The following UTP20 variants were observed in gnomAD, a reference collection of about 807,000 sequenced individuals.
The protein encoded by UTP20 is UTP20 small subunit processome component.
UTP20 carries 164 observed loss-of-function variants against 329.5 expected under a neutral mutation model. That is an observed-to-expected ratio of 0.50 (90% CI 0.44 to 0.57). The LOEUF is 0.57. Ranked by LOEUF, UTP20 falls within the 20% of genes least tolerant of loss-of-function variation. The pLI, the probability that UTP20 is intolerant of heterozygous loss-of-function variation, is 0.00. For synonymous variants in UTP20, 1,151 were observed against 1,159.3 expected (o/e 0.99, Z 0.14); for missense variants, 3,055 against 3,284.2 (o/e 0.93, Z 1.71).
At chr12:101,329,591 G>T in intron 27 of UTP20, 142 bp downstream of exon 27, 1 of 751,900 alleles carries the variant, frequency 1.3e-6, no homozygotes. Flanking sequence ...AATTGTAAAT[G>T]ATTTAAGTGA....
At chr12:101,295,722 A>C (rs1482203927) in intron 12 of UTP20, 64 bp downstream of exon 12, 2 of 1,449,490 alleles carry the variant, frequency 1.4e-6, no homozygotes, top group East Asian at 4.7e-5. Context: ...TAATGTATCA[A>C]GAATACTGTA....
chr12:101,291,970 G>A lies in UTP20; in HGVS notation c.1039G>A (p.Val347Met). 1 of 1,610,640 alleles carries A rather than the reference G, an allele frequency of 6.2e-7. No homozygotes were observed. Among genetic ancestry groups the A allele is most frequent in the Non-Finnish European group, 8.5e-7 (1 of 1,178,890 alleles). The change falls in exon 10 of 62, where the codon GTG becomes ATG. Residue 347 changes from valine to methionine, a missense_variant and splice_region_variant. Val to Met is a conservative substitution (Grantham distance 21, BLOSUM62 1). This residue lies in a region of UTP20 where 2,445 missense variants were observed against 2,575.5 expected (regional missense o/e 0.95). Transcript: ENST00000261637. ...KIPTPADVCK[V>M]LSQTLQVASL... The stretch of plus-strand genomic sequence containing the variant: ...TATGCATTGTTTTTTCTTTTTGCAG[G>A]TGTTATCTCAAACACTGCAAGTAGC...
chr12:101,334,543 G>A, intron 29 of UTP20, 39 bp downstream of exon 29: 2 of 1,552,854 alleles, frequency 1.3e-6, no homozygotes, highest in Non-Finnish European at 1.8e-6. Context: ...AAAGGGCAGT[G>A]TTTTAGATGA....
chr12:101,371,099 G>A lies in UTP20; in HGVS notation c.6729G>A (p.Glu2243=). 6.2e-7 allele frequency: 1 copy of A among 1,614,092 alleles called. No homozygotes were observed. The highest frequency in any genetic ancestry group is 8.5e-7 in the Non-Finnish European group (1 of 1,179,996). Residue 2243 remains glutamate (E), a synonymous_variant, in exon 51 of 62, where the codon GAG becomes GAA. Coordinates refer to ENST00000261637, the MANE Select transcript of UTP20 (RefSeq NM_014503.3). ...AGCTGTTGGTCCCAGAAATCGATGA[G>A]GTCATGCGGAAAGTATCCAAGTTGG... is the stretch of plus-strand genomic sequence containing the variant. ...SRKLLVPEID[E]VMRKVSKLAV... is the part of the protein sequence containing the mutation.
At chr12:101,343,845 G>A (rs1222908880) in intron 35 of UTP20, among the ~76,000 whole-genome samples, 3 of 152,084 alleles carry the variant, frequency 2.0e-5, no homozygotes, top group Non-Finnish European at 4.4e-5. Flanking sequence ...TGAATTTTAT[G>A]GTGTGTCAAT....
intron 48 of UTP20, among the ~76,000 whole-genome samples, chr12:101,369,489 A>G (rs765248545): frequency 1.9e-4 from 29 of 152,292 alleles, no homozygotes; most frequent in Middle Eastern, 3.4e-3. Context: ...TTTCCTCATG[A>G]TCTACCATCA....
chr12:101,295,897 G>A (rs1413357153), intron 12 of UTP20, among the ~76,000 whole-genome samples: 2 of 152,186 alleles, frequency 1.3e-5, no homozygotes, highest in African/African-American at 4.8e-5. Flanking sequence ...ACAGAAACTT[G>A]TTAACTTTGT....
At chr12:101,281,270 T>A in intron 2 of UTP20, 74 bp downstream of exon 2, 2 of 1,342,708 alleles carry the variant, frequency 1.5e-6, no homozygotes, top group South Asian at 1.2e-5. Context: ...AGAAGTGAAT[T>A]GTTTTTCAAG....
intron 17 of UTP20, among the ~76,000 whole-genome samples, chr12:101,307,457 G>A (rs979449834): frequency 2.6e-5 from 4 of 152,018 alleles, no homozygotes; most frequent in African/African-American, 9.7e-5. Flanking sequence ...GCTCACTGCA[G>A]TCTCCACCTC....
chr12:101,303,934 A>G (rs1872590499), intron 15 of UTP20, among the ~76,000 whole-genome samples: 2 of 152,208 alleles, frequency 1.3e-5, no homozygotes. Context: ...ACCATATTAC[A>G]TAGTCTCCCT....
At position 101,355,098 on chromosome 12, in the gene UTP20, C is replaced by T; in HGVS notation, c.5374C>T (p.His1792Tyr). 3.7e-6 allele frequency: 6 copies of T among 1,613,668 alleles called. No homozygotes were observed. The highest frequency in any genetic ancestry group is 5.1e-6 in the Non-Finnish European group (6 of 1,179,842). ...TITGDILPRL[H>Y]KCLASTTKRE... is the part of the protein sequence containing the mutation. ...AACCGGGGATATTCTCCCCAGGCTA[C>T]ATAAATGCCTTGCATCTACGGTAAT... The change falls in exon 41 of 62, where the codon CAT becomes TAT. Residue 1792 changes from histidine (H) to tyrosine (Y), a missense_variant. Coordinates refer to ENST00000261637, the MANE Select transcript of UTP20 (RefSeq NM_014503.3).
rs371384352 is a variant in UTP20 at position 101,355,137 on chromosome 12, G to A, written c.5394+19G>A. On this transcript the variant is annotated intron_variant, in intron 41 of 61. Coordinates refer to ENST00000261637, the MANE Select transcript of UTP20 (RefSeq NM_014503.3). ...ATCTACGGTAATAAATTTATTCGGG[G>A]TCCAGCAGGTCTGTGTGAATTCTGG... 1.3e-5 allele frequency: 21 copies of A among 1,601,804 alleles called. No homozygotes were observed. The South Asian group carries it at 2.1e-4, about 16-fold the overall frequency.
chr12:101,375,934 GA>G (rs944570176), intron 56 of UTP20, among the ~76,000 whole-genome samples, 178 bp downstream of exon 56: 44 of 148,434 alleles, frequency 3.0e-4, no homozygotes, highest in African/African-American at 7.9e-4. Flanking sequence ...GTTCCCTTCT[GA>G]AAAAAAAACG....
intron 1 of UTP20, 48 bp downstream of exon 1, chr12:101,280,375 G>T (rs1245147757): frequency 4.5e-6 from 7 of 1,550,202 alleles, no homozygotes; most frequent in Non-Finnish European, 6.1e-6. Flanking sequence ...CGCTGCCTCA[G>T]TCGTGAGACA....
chr12:101,335,441 A>G (rs183141984), intron 29 of UTP20, among the ~76,000 whole-genome samples: 309 of 152,364 alleles, frequency 2.0e-3, no homozygotes, highest in African/African-American at 6.8e-3. Flanking sequence ...ATATCATCAC[A>G]TAAATATTAT....
At chr12:101,349,725 G>A (rs190184833) in intron 38 of UTP20, among the ~76,000 whole-genome samples, 212 of 152,252 alleles carry the variant, frequency 1.4e-3, no homozygotes, top group African/African-American at 5.0e-3. Flanking sequence ...ACAGGGTTGA[G>A]CCACTGTTCC....
At chr12:101,356,148 T>C (rs1225198733) in intron 41 of UTP20, among the ~76,000 whole-genome samples, 2 of 152,250 alleles carry the variant, frequency 1.3e-5, no homozygotes, top group Non-Finnish European at 2.9e-5. Flanking sequence ...CTTTTTGAGA[T>C]GGACTTTCCC....
intron 47 of UTP20, among the ~76,000 whole-genome samples, chr12:101,367,368 T>C (rs1219267661): frequency 6.6e-6 from 1 of 152,170 alleles, no homozygotes; most frequent in African/African-American, 2.4e-5. Flanking sequence ...AAACCCTTCA[T>C]TGACTCGCAT....
intron 47 of UTP20, 148 bp from the exon 48 acceptor site, chr12:101,367,712 G>A: frequency 1.7e-6 from 1 of 600,572 alleles, no homozygotes; most frequent in Non-Finnish European, 3.0e-6. Context: ...ACCCTCCCAG[G>A]CAGTTTGTCA....
Sources: allele counts gnomAD v4.1 joint callset (sites outside exome capture counted in the v4.1 genomes callset), GRCh38; gene constraint gnomAD v4.1.1; regional missense constraint gnomAD v4.1.1; transcripts MANE v1.5; gene names NCBI Gene and HGNC (gene_info 2026-07-23, HGNC 2026-07-21).